The following RPS6KC1 variants were observed in gnomAD, a reference collection of about 807,000 sequenced individuals.
RPS6KC1 encodes ribosomal protein S6 kinase C1.
In RPS6KC1, 54 loss-of-function variants were observed where a neutral mutation model predicts 103.8. The ratio of observed to expected loss-of-function variants is 0.52; its 90% confidence interval spans 0.42 to 0.65. RPS6KC1 has a LOEUF of 0.65. Ranked by LOEUF, RPS6KC1 falls within the 30% of genes least tolerant of loss-of-function variation. RPS6KC1 has a pLI of 0.00. For synonymous variants in RPS6KC1, 439 were observed against 438.7 expected, an observed-to-expected ratio of 1.00 and a Z score of -0.01; for missense variants, 1,151 against 1,253.8, an observed-to-expected ratio of 0.92 and a Z score of 1.24.
chr1:213,507,337 G>T, the RPS6KC1 span, among the ~76,000 whole-genome samples: 2 of 152,148 alleles, frequency 1.3e-5, no homozygotes, highest in Non-Finnish European at 2.9e-5. Context: ...GCAGCGCAGG[G>T]TGGGGGGCTG....
the RPS6KC1 span, among the ~76,000 whole-genome samples, chr1:213,489,359 G>A: frequency 6.6e-6 from 1 of 152,204 alleles, no homozygotes; most frequent in Non-Finnish European, 1.5e-5. Context: ...CAGTAGGAGG[G>A]AGTATCCAAT....
At chr1:213,477,515 A>G in the RPS6KC1 span, among the ~76,000 whole-genome samples, 1 of 152,148 alleles carries the variant, frequency 6.6e-6, no homozygotes, top group East Asian at 1.9e-4. Flanking sequence ...ATCTTTGTGA[A>G]TTGTACCTTT....
At chr1:213,408,338 G>A in the RPS6KC1 span, among the ~76,000 whole-genome samples, 2 of 152,324 alleles carry the variant, frequency 1.3e-5, no homozygotes, top group East Asian at 1.9e-4. Context: ...CCTTCTGGAT[G>A]TTTCCATTGA....
At position 213,241,853 on chromosome 1, in the gene RPS6KC1, C is replaced by T; in HGVS notation, c.2377C>T (p.Pro793Ser). 1 of 1,613,926 alleles carries T rather than the reference C, an allele frequency of 6.2e-7. No individual in the cohort carries two copies. Among genetic ancestry groups the T allele is most frequent in the Non-Finnish European group, 8.5e-7 (1 of 1,179,928 alleles). ...TAGTTCAGGAGATATGTCTTTGTTA[C>T]CCAGCTCAGATCCTAAGTTTCAAGG... ...HSSSGDMSLL[P>S]SSDPKFQGLG... The change falls in exon 11 of 15, where the codon CCC becomes TCC. Residue 793 changes from proline (P) to serine (S), a missense_variant. Physicochemically the swap from Pro to Ser is moderately conservative, Grantham distance 74 (BLOSUM62 -1). Transcript: ENST00000366960.
At chr1:213,446,293 A>G in the RPS6KC1 span, among the ~76,000 whole-genome samples, 9 of 152,118 alleles carry the variant, frequency 5.9e-5, no homozygotes, top group Admixed American at 3.3e-4. Flanking sequence ...TTTTCTATCC[A>G]TTTTATTTAA....
chr1:213,599,717 G>A, the RPS6KC1 span, among the ~76,000 whole-genome samples: 6 of 152,298 alleles, frequency 3.9e-5, no homozygotes, highest in East Asian at 1.9e-4. Flanking sequence ...CAATTGTGGC[G>A]TTTCTTGATT....
intron 6 of RPS6KC1, among the ~76,000 whole-genome samples, chr1:213,153,222 A>AGAGAGGGAGAGGGAGACCGTGGG (rs1443020968): frequency 6.0e-5 from 9 of 149,804 alleles, no homozygotes; most frequent in Admixed American, 4.0e-4. Context: ...GACCGTGGAA[A>AGAGAGGGAGAGGGAGACCGTGGG]GAGAGGGAGA....
chr1:213,752,101 T>C, the RPS6KC1 span, among the ~76,000 whole-genome samples: 49,030 of 152,086 alleles, frequency 0.32, 8,447 homozygotes, highest in East Asian at 0.58. Context: ...ATAGTAGCAT[T>C]AGATTATTTT....
the RPS6KC1 span, among the ~76,000 whole-genome samples, chr1:213,483,511 T>C: frequency 6.6e-6 from 1 of 152,246 alleles, no homozygotes; most frequent in African/African-American, 2.4e-5. Flanking sequence ...TTGAAATTGA[T>C]GATTCATATA....
At chr1:213,591,026 C>T in the RPS6KC1 span, among the ~76,000 whole-genome samples, 1 of 152,170 alleles carries the variant, frequency 6.6e-6, no homozygotes, top group African/African-American at 2.4e-5. Context: ...CATCCCTTCC[C>T]CATGAGCTGG....
the RPS6KC1 span, among the ~76,000 whole-genome samples, chr1:213,543,318 A>T: frequency 6.6e-6 from 1 of 152,194 alleles, no homozygotes; most frequent in Non-Finnish European, 1.5e-5. Flanking sequence ...GAGTCCTTTT[A>T]GTGACCCAGA....
downstream of RPS6KC1, among the ~76,000 whole-genome samples, chr1:213,276,544 C>T (rs2095112896): frequency 1.3e-5 from 2 of 152,052 alleles, no homozygotes; most frequent in South Asian, 4.1e-4. Context: ...TAGGTGAGTT[C>T]TAAGCTTTAC....
the RPS6KC1 span, among the ~76,000 whole-genome samples, chr1:213,319,176 G>C: frequency 6.6e-6 from 1 of 151,944 alleles, no homozygotes; most frequent in African/African-American, 2.4e-5. Context: ...CTTGGTGGCA[G>C]GTGCCTGTAA....
the RPS6KC1 span, among the ~76,000 whole-genome samples, chr1:213,806,340 T>C: frequency 4.6e-5 from 7 of 151,802 alleles, no homozygotes; most frequent in African/African-American, 1.5e-4. Flanking sequence ...TCAAAATAAA[T>C]AAATAAATAA....
At chr1:213,460,667 A>G in the RPS6KC1 span, among the ~76,000 whole-genome samples, 2 of 152,034 alleles carry the variant, frequency 1.3e-5, no homozygotes, top group African/African-American at 2.4e-5. Flanking sequence ...TAGTTGATGC[A>G]GTTTCTTCAT....
the RPS6KC1 span, among the ~76,000 whole-genome samples, chr1:213,405,081 T>A: frequency 5.3e-4 from 81 of 152,328 alleles, no homozygotes; most frequent in East Asian, 9.6e-4. Context: ...GAGGAGACCA[T>A]GGCAGTTTTG....
chr1:213,655,304 A>G, the RPS6KC1 span, among the ~76,000 whole-genome samples: 9 of 148,534 alleles, frequency 6.1e-5, no homozygotes, highest in Non-Finnish European at 3.0e-5. Flanking sequence ...CGGCCTCCCA[A>G]TGTACTGGGA....
At chr1:213,829,545 T>C in the RPS6KC1 span, among the ~76,000 whole-genome samples, 3 of 152,196 alleles carry the variant, frequency 2.0e-5, no homozygotes, top group East Asian at 1.9e-4. Context: ...CTTACCAGAA[T>C]TGTTTTTAAC....
At chr1:213,084,831 A>G (rs887304099) in intron 3 of RPS6KC1, among the ~76,000 whole-genome samples, 2 of 151,866 alleles carry the variant, frequency 1.3e-5, no homozygotes, top group African/African-American at 4.8e-5. Context: ...ATGTTTTCTC[A>G]TGTTTAGTTC....
Sources: gnomAD v4.1 joint callset for allele counts (sites outside exome capture counted in the v4.1 genomes callset) on GRCh38, gnomAD v4.1.1 for gene constraint, MANE v1.5 for transcripts, NCBI Gene and HGNC (gene_info 2026-07-23, HGNC 2026-07-21) for gene names.